TBC1D9: variants seen among roughly 807,000 people sequenced by gnomAD.
The protein encoded by TBC1D9 is TBC1 domain family member 9, also known as TBC1 domain family member 9A.
In TBC1D9, 63 loss-of-function variants were observed where a neutral mutation model predicts 132.0. The ratio of observed to expected loss-of-function variants is 0.48; its 90% CI spans 0.39 to 0.59. The LOEUF (loss-of-function observed/expected upper bound fraction) is 0.59, where lower values mean the gene tolerates loss of function less well. TBC1D9 is among the 20% of genes least tolerant of loss of function. The pLI is 0.00. For synonymous variants in TBC1D9, 610 were observed against 609.9 expected (o/e 1.00, Z 0.00); for missense variants, 1,261 against 1,592.7 (o/e 0.79, Z 3.54).
intron 14 of TBC1D9, 50 bp from the exon 15 acceptor site, chr4:140,639,204 G>T (rs1348940564): frequency 1.3e-6 from 2 of 1,502,408 alleles, no homozygotes; most frequent in Non-Finnish European, 1.8e-6. Context: ...AAAGTGCCAT[G>T]CTGGGAAAAT....
chr4:140,643,706 G>T, intron 13 of TBC1D9: 1 of 1,198,174 alleles, frequency 8.3e-7, no homozygotes, highest in Non-Finnish European at 1.1e-6. Flanking sequence ...GGTCCAATGC[G>T]GCCGTGCAGG....
chr4:140,657,224 T>C lies in TBC1D9; in HGVS notation c.2210A>G (p.Tyr737Cys), dbSNP rs1418740611. ...DGEAMTVLGR[Y>C]LDSVTNKDST... The stretch of plus-strand genomic sequence containing the variant: ...GTCTTTATTGGTCACACTGTCTAAA[T>C]ACCTGGAAGAAGAATGCATCAGAAG... The change falls in exon 13 of 21, where the codon TAT becomes TGT. Residue 737 changes from tyrosine (Y) to cysteine (C), a missense_variant and splice_region_variant. Coordinates refer to ENST00000442267, the MANE Select transcript of TBC1D9 (RefSeq NM_015130.3). The C allele has an allele frequency of 2.5e-6, 4 of 1,613,034 alleles. No individual in the cohort carries two copies. The East Asian group carries it at 8.9e-5, about 36-fold the overall frequency.
intron 13 of TBC1D9, among the ~76,000 whole-genome samples, chr4:140,650,034 G>C (rs1737163754): frequency 1.3e-5 from 2 of 152,108 alleles, no homozygotes; most frequent in Admixed American, 1.3e-4. Flanking sequence ...TACCAGAAAG[G>C]GCTAGAGAAA....
intron 1 of TBC1D9, among the ~76,000 whole-genome samples, chr4:140,742,872 G>A (rs2111079744): frequency 6.7e-6 from 1 of 148,318 alleles, no homozygotes; most frequent in South Asian, 2.2e-4. Context: ...TGCAGGGGCA[G>A]GGGAGAGAGG....
At chr4:140,751,009 A>G (rs1392616605) in intron 1 of TBC1D9, among the ~76,000 whole-genome samples, 1 of 152,150 alleles carries the variant, frequency 6.6e-6, no homozygotes, top group East Asian at 1.9e-4. Context: ...ACTTACTGAA[A>G]CATAACTCTA....
intron 3 of TBC1D9, among the ~76,000 whole-genome samples, chr4:140,680,832 T>C (rs559383692): frequency 6.6e-6 from 1 of 152,198 alleles, no homozygotes; most frequent in Non-Finnish European, 1.5e-5. Context: ...AAGCTTCTAG[T>C]GCATCCTTGA....
intron 1 of TBC1D9, among the ~76,000 whole-genome samples, chr4:140,725,181 AAATGATGGCATTGCC>A (rs1738479946): frequency 6.6e-6 from 1 of 152,238 alleles, no homozygotes; most frequent in South Asian, 2.1e-4. Flanking sequence ...GGAGTAAATA[AAATGATGGCATTGCC>A]ATATAATGGA....
At position 140,624,349 on chromosome 4, in the gene TBC1D9, T is replaced by A. The variant is rs749590290; in HGVS notation, c.2939A>T (p.Asp980Val). The change falls in exon 19 of 21, where the codon GAT becomes GTT. Residue 980 changes from aspartate (D) to valine (V), a missense_variant. Transcript: ENST00000442267. Reference sequence around the variant, plus strand: ...CTTTAGGCTCACCGTAACAAAGCCATCATCTGCACCCTGTTTGCTTCTGCT... The same window carrying A: ...CTTTAGGCTCACCGTAACAAAGCCAACATCTGCACCCTGTTTGCTTCTGCT... ...LDSRSKQGADDGFVTVSLKPD... is the reference protein window; with the variant it reads ...LDSRSKQGADVGFVTVSLKPD... 2.5e-6 allele frequency: 4 copies of A among 1,613,854 alleles called. No individual in the cohort carries two copies. Among genetic ancestry groups the A allele is most frequent in the East Asian group, 2.2e-5 (1 of 44,870 alleles).
chr4:140,709,248 TCACACACA>T (rs36222926), intron 1 of TBC1D9, among the ~76,000 whole-genome samples: 1,263 of 104,126 alleles, frequency 0.012, 34 homozygotes, highest in African/African-American at 0.049. Context: ...TCTCTCTCTC[TCACACACA>T]CACACACACA....
intron 5 of TBC1D9, among the ~76,000 whole-genome samples, chr4:140,678,426 T>G (rs1180547446): frequency 6.6e-6 from 1 of 152,230 alleles, no homozygotes. Flanking sequence ...TCTCTAGCTC[T>G]GCTCTCACAT....
chr4:140,702,120 C>T (rs77520560), intron 1 of TBC1D9, among the ~76,000 whole-genome samples: 3,317 of 152,236 alleles, frequency 0.022, 75 homozygotes, highest in Admixed American at 0.06. Context: ...ACATCAGTCA[C>T]GATAACCAGG....
Position 140,677,014 on chromosome 4 carries a change from G to A in TBC1D9, c.939C>T (p.Cys313=), listed in dbSNP as rs1266129360. ...TTTTGTTAAATGGAGTCCAGAGAGT[G>A]CAGTCTGTGTGGCCATCTAATTTTT... The part of the protein sequence containing the change: ...KDEKLDGHTD[C]TLWTPFNKMH... The change falls in exon 6 of 21, where the codon TGC becomes TGT. Residue 313 remains cysteine (C), a synonymous_variant. Coordinates refer to ENST00000442267, the MANE Select transcript of TBC1D9 (RefSeq NM_015130.3). 1.2e-6 allele frequency: 2 copies of A among 1,614,002 alleles called. No homozygotes were observed. The highest frequency in any genetic ancestry group is 1.1e-5 in the South Asian group (1 of 91,080).
intron 9 of TBC1D9, among the ~76,000 whole-genome samples, chr4:140,665,109 GAA>G (rs373062026): frequency 3.3e-4 from 20 of 60,152 alleles, no homozygotes; most frequent in Admixed American, 7.7e-4. Flanking sequence ...TCAGTCTCCA[GAA>G]AAAAAAAAAA....
intron 13 of TBC1D9, among the ~76,000 whole-genome samples, chr4:140,646,942 G>A: frequency 6.6e-6 from 1 of 152,322 alleles, no homozygotes; most frequent in Non-Finnish European, 1.5e-5. Flanking sequence ...ATGATGAAAA[G>A]CAATCATATT....
At chr4:140,632,775 A>G (rs1222369507) in intron 16 of TBC1D9, among the ~76,000 whole-genome samples, 1 of 152,208 alleles carries the variant, frequency 6.6e-6, no homozygotes, top group Non-Finnish European at 1.5e-5. Flanking sequence ...GCCCTTAGAC[A>G]AATTAAATGC....
chr4:140,717,442 T>C (rs1002176778), intron 1 of TBC1D9, among the ~76,000 whole-genome samples: 1 of 152,262 alleles, frequency 6.6e-6, no homozygotes, highest in Non-Finnish European at 1.5e-5. Context: ...CAATGATTCT[T>C]TGTTAATGGC....
At chr4:140,734,636 AT>A (rs1738646531) in intron 1 of TBC1D9, among the ~76,000 whole-genome samples, 1 of 151,930 alleles carries the variant, frequency 6.6e-6, no homozygotes, top group Non-Finnish European at 1.5e-5. Flanking sequence ...CTACAAAAAA[AT>A]TTTTTTTAGT....
intron 13 of TBC1D9, among the ~76,000 whole-genome samples, chr4:140,655,042 A>T (rs1412344607): frequency 1.3e-5 from 2 of 152,134 alleles, no homozygotes; most frequent in Non-Finnish European, 2.9e-5. Context: ...TTCATATAAT[A>T]TTTAATATAT....
chr4:140,650,616 T>TCCG (rs780831649), intron 13 of TBC1D9, among the ~76,000 whole-genome samples: 2 of 152,212 alleles, frequency 1.3e-5, no homozygotes, highest in Non-Finnish European at 2.9e-5. Flanking sequence ...CACTGCAATC[T>TCCG]CCGCCTCCCA....
Sources: allele counts gnomAD v4.1 joint callset (sites outside exome capture counted in the v4.1 genomes callset), GRCh38; gene constraint gnomAD v4.1.1; transcripts MANE v1.5; gene names NCBI Gene and HGNC (gene_info 2026-07-23, HGNC 2026-07-21).